Variants in HCN1 observed in about 807,000 individuals in gnomAD.
The protein encoded by HCN1 is potassium/sodium hyperpolarization-activated cyclic nucleotide-gated channel 1.
In HCN1, 13 loss-of-function variants were observed where a neutral mutation model predicts 78.9. The observed-to-expected ratio is 0.16, with a 90% CI of 0.11 to 0.26. The LOEUF (loss-of-function observed/expected upper bound fraction) is 0.26, where lower values mean the gene tolerates loss of function less well. Ranked by LOEUF, HCN1 falls within the 10% of genes least tolerant of loss-of-function variation. The probability of loss-of-function intolerance (pLI) is 1.00; values close to 1 mark genes in which losing one functional copy is unlikely to be tolerated. For missense variants in HCN1, 810 were observed against 1,154.3 expected (o/e 0.70, Z 4.32); for synonymous variants, 552 against 455.5 (o/e 1.21, Z -2.70).
At chr5:45,282,748 T>A (rs1383202072) in intron 6 of HCN1, among the ~76,000 whole-genome samples, 1 of 152,230 alleles carries the variant, frequency 6.6e-6, no homozygotes, top group African/African-American at 2.4e-5. Flanking sequence ...CCCGTAGGAC[T>A]AACTAGTAAT....
chr5:45,337,063 G>A (rs1746472002), intron 5 of HCN1, among the ~76,000 whole-genome samples: 1 of 151,982 alleles, frequency 6.6e-6, no homozygotes, highest in Non-Finnish European at 1.5e-5. Flanking sequence ...TTCCATGAAT[G>A]TGATTGGGTT....
chr5:45,527,428 C>A (rs955843693), intron 2 of HCN1, among the ~76,000 whole-genome samples: 3 of 148,750 alleles, frequency 2.0e-5, no homozygotes, highest in South Asian at 2.2e-4. Context: ...CTCCAATTTG[C>A]AAAGAAGGAA....
chr5:45,316,878 A>G (rs1041937761), intron 5 of HCN1, among the ~76,000 whole-genome samples: 1 of 152,220 alleles, frequency 6.6e-6, no homozygotes, highest in African/African-American at 2.4e-5. Context: ...GACCTCTTCA[A>G]GGAGAATTAA....
At chr5:45,282,419 A>C (rs1293083017) in intron 6 of HCN1, among the ~76,000 whole-genome samples, 1 of 152,222 alleles carries the variant, frequency 6.6e-6, no homozygotes, top group Non-Finnish European at 1.5e-5. Flanking sequence ...AGGGTAAAGA[A>C]AGTTTGGGTC....
intron 1 of HCN1, among the ~76,000 whole-genome samples, chr5:45,678,724 G>A (rs1043621660): frequency 6.6e-6 from 1 of 151,926 alleles, no homozygotes; most frequent in East Asian, 1.9e-4. Flanking sequence ...ATTGGTTCTT[G>A]TAGTTTTCTG....
At chr5:45,577,522 T>C (rs1238252619) in intron 2 of HCN1, among the ~76,000 whole-genome samples, 1 of 152,102 alleles carries the variant, frequency 6.6e-6, no homozygotes, top group African/African-American at 2.4e-5. Flanking sequence ...AAATATAAAA[T>C]TATAGGCCTA....
At chr5:45,550,580 G>A (rs908388437) in intron 2 of HCN1, among the ~76,000 whole-genome samples, 8 of 151,988 alleles carry the variant, frequency 5.3e-5, no homozygotes, top group African/African-American at 1.9e-4. Context: ...TACCAACATG[G>A]CACATGTATA....
intron 2 of HCN1, among the ~76,000 whole-genome samples, chr5:45,517,320 A>T (rs1236967898): frequency 6.6e-6 from 1 of 151,774 alleles, no homozygotes; most frequent in Non-Finnish European, 1.5e-5. Context: ...TAATAAATTG[A>T]TTCTACTTTT....
At chr5:45,277,161 A>G (rs1355416492) in intron 6 of HCN1, among the ~76,000 whole-genome samples, 1 of 152,124 alleles carries the variant, frequency 6.6e-6, no homozygotes, top group Non-Finnish European at 1.5e-5. Flanking sequence ...AGCTCTCTAC[A>G]TATCTTGCCA....
At chr5:45,334,917 G>A (rs1445801256) in intron 5 of HCN1, among the ~76,000 whole-genome samples, 1 of 151,950 alleles carries the variant, frequency 6.6e-6, no homozygotes, top group Non-Finnish European at 1.5e-5. Flanking sequence ...CAACAAGTGT[G>A]TAGTTTAGAA....
chr5:45,597,294 G>A (rs540936820), intron 2 of HCN1, among the ~76,000 whole-genome samples: 5 of 152,128 alleles, frequency 3.3e-5, no homozygotes, highest in South Asian at 2.1e-4. Flanking sequence ...AATCCATCAC[G>A]TAAACAGATC....
At chr5:45,473,997 T>A (rs1741462747) in intron 2 of HCN1, among the ~76,000 whole-genome samples, 1 of 151,918 alleles carries the variant, frequency 6.6e-6, no homozygotes, top group Non-Finnish European at 1.5e-5. Context: ...AAATGCAAGT[T>A]TCTTTCTTGC....
intron 2 of HCN1, among the ~76,000 whole-genome samples, chr5:45,568,140 G>A (rs1451841449): frequency 6.6e-6 from 1 of 151,834 alleles, no homozygotes; most frequent in Non-Finnish European, 1.5e-5. Flanking sequence ...AGTAACATTT[G>A]TAATCATATA....
At chr5:45,468,964 T>A (rs891063784) in intron 2 of HCN1, among the ~76,000 whole-genome samples, 4 of 151,976 alleles carry the variant, frequency 2.6e-5, no homozygotes, top group Non-Finnish European at 5.9e-5. Context: ...TTTCTATTAA[T>A]TTTATTCATT....
chr5:45,348,171 C>G (rs1746792019), intron 5 of HCN1, among the ~76,000 whole-genome samples: 1 of 152,150 alleles, frequency 6.6e-6, no homozygotes, highest in Non-Finnish European at 1.5e-5. Flanking sequence ...GATCTCTCAG[C>G]AGAAACTCTA....
intron 4 of HCN1, among the ~76,000 whole-genome samples, chr5:45,377,863 G>T (rs1052917601): frequency 6.6e-6 from 1 of 151,930 alleles, no homozygotes; most frequent in Non-Finnish European, 1.5e-5. Context: ...TTTAGTCTTA[G>T]AAATAATTAC....
At chr5:45,376,517 A>C (rs1291119932) in intron 4 of HCN1, among the ~76,000 whole-genome samples, 2 of 150,784 alleles carry the variant, frequency 1.3e-5, no homozygotes, top group African/African-American at 4.9e-5. Context: ...TGCAAGATAT[A>C]AATGTTGCAT....
intron 6 of HCN1, among the ~76,000 whole-genome samples, chr5:45,287,825 C>A (rs1270578372): frequency 6.6e-6 from 1 of 152,000 alleles, no homozygotes; most frequent in African/African-American, 2.4e-5. Flanking sequence ...TTGACACGAG[C>A]CCTGAATCAA....
At position 45,289,087 on chromosome 5, in the gene HCN1, T is replaced by G. The variant is rs540211197; in HGVS notation, c.1618+14512A>C. Among the ~76,000 whole-genome samples, 7 of 152,154 alleles carry G rather than the reference T, an allele frequency of 4.6e-5. No individual in the cohort carries two copies. In the East Asian group the frequency reaches 9.7e-4, roughly 21 times the overall value. ...TGGGGGGCATTATACAATATAACCTTAAGAACATTTTAAACCTAAATACCT... is the reference window on the plus strand; with the variant it reads ...TGGGGGGCATTATACAATATAACCTGAAGAACATTTTAAACCTAAATACCT... On this transcript the variant is annotated intron_variant, in intron 6 of 7. Coordinates refer to ENST00000303230, the MANE Select transcript of HCN1 (RefSeq NM_021072.4).
Sources: allele counts gnomAD v4.1 joint callset (sites outside exome capture counted in the v4.1 genomes callset), GRCh38; gene constraint gnomAD v4.1.1; transcripts MANE v1.5; gene names NCBI Gene and HGNC (gene_info 2026-07-23, HGNC 2026-07-21).